The following ZFAT variants were observed in gnomAD, a reference collection of about 807,000 sequenced individuals.
The protein encoded by ZFAT is zinc finger protein ZFAT.
In ZFAT, 64 loss-of-function variants were observed where a neutral mutation model predicts 117.7. The observed-to-expected ratio is 0.54, with a 90% confidence interval of 0.44 to 0.67. The LOEUF (loss-of-function observed/expected upper bound fraction) is 0.67. ZFAT is among the 30% of genes least tolerant of loss of function. The pLI is 0.00. For synonymous variants in ZFAT, 679 were observed against 615.0 expected (o/e 1.10, Z -1.54); for missense variants, 1,433 against 1,584.5 (o/e 0.90, Z 1.62).
chr8:134,590,504 A>C, intron 7 of ZFAT, 149 bp from the exon 8 acceptor site: 2 of 613,622 alleles, frequency 3.3e-6, no homozygotes, highest in Admixed American at 2.6e-5. Flanking sequence ...CCATCACATC[A>C]CCATCATCAA....
At chr8:134,508,073 G>A (rs1323173319) in intron 15 of ZFAT, among the ~76,000 whole-genome samples, 3 of 151,848 alleles carry the variant, frequency 2.0e-5, no homozygotes, top group Admixed American at 6.6e-5. Flanking sequence ...GCATCCCCCT[G>A]CCTACTCTCC....
At position 134,712,915 on chromosome 8, in the gene ZFAT, C is replaced by T; in HGVS notation, c.-52G>A. ...AAAGCCTCGGGCTCTTCCGGGCCCC[C>T]TCCCGTGCCGACCGAGGGGGCGGGG... On this transcript the variant is annotated 5_prime_UTR_variant, in exon 1 of 16. Transcript: ENST00000377838. 6.8e-7 allele frequency: 1 copy of T among 1,471,130 alleles called. No individual in the cohort carries two copies. The highest frequency in any genetic ancestry group is 9.0e-7 in the Non-Finnish European group (1 of 1,114,240). 91.1% of individuals were successfully genotyped at this position (1,471,130 alleles called of 1,614,324 possible). A position where few individuals can be genotyped will look rare whatever the true frequency, so the allele number is the denominator to read the frequency against.
the ZFAT span, among the ~76,000 whole-genome samples, chr8:134,768,104 T>C: frequency 6.6e-6 from 1 of 152,354 alleles, no homozygotes; most frequent in South Asian, 2.1e-4. Flanking sequence ...CTGTTTTTTG[T>C]TTTTACAAAT....
At chr8:134,533,276 A>G (rs1480836160) in intron 11 of ZFAT, among the ~76,000 whole-genome samples, 3 of 152,068 alleles carry the variant, frequency 2.0e-5, no homozygotes, top group Admixed American at 6.5e-5. Flanking sequence ...AGAAGAAGAC[A>G]AAAAAAGCAA....
intron 5 of ZFAT, 106 bp downstream of exon 5, chr8:134,608,623 T>G: frequency 7.1e-7 from 1 of 1,402,600 alleles, no homozygotes; most frequent in Non-Finnish European, 9.7e-7. Context: ...ATAAACAAGT[T>G]TATAAGCAGA....
At chr8:134,606,690 T>C (rs1457862209) in intron 5 of ZFAT, among the ~76,000 whole-genome samples, 1 of 144,140 alleles carries the variant, frequency 6.9e-6, no homozygotes, top group Non-Finnish European at 1.5e-5. Flanking sequence ...ATTGTGCCAC[T>C]GCACTCCAGC....
At chr8:134,761,245 T>C in the ZFAT span, among the ~76,000 whole-genome samples, 1 of 152,096 alleles carries the variant, frequency 6.6e-6, no homozygotes, top group Non-Finnish European at 1.5e-5. Flanking sequence ...CAACTATGAA[T>C]GATACAGGCA....
chr8:134,636,710 C>T (rs1293423657), intron 3 of ZFAT, among the ~76,000 whole-genome samples: 1 of 152,192 alleles, frequency 6.6e-6, no homozygotes, highest in Non-Finnish European at 1.5e-5. Context: ...ACAGAACCCA[C>T]AGCAGAGGCC....
At chr8:134,500,933 C>T (rs1020898561) in intron 15 of ZFAT, among the ~76,000 whole-genome samples, 10 of 152,296 alleles carry the variant, frequency 6.6e-5, no homozygotes, top group Admixed American at 2.6e-4. Flanking sequence ...GAGTTTCATA[C>T]AATTAAAGTT....
chr8:134,488,789 C>T (rs1325770343), intron 15 of ZFAT, among the ~76,000 whole-genome samples: 1 of 152,020 alleles, frequency 6.6e-6, no homozygotes, highest in African/African-American at 2.4e-5. Context: ...GGATGCTTTC[C>T]TGAAGATGAT....
At chr8:134,653,165 T>TC (rs1831356416) in intron 2 of ZFAT, among the ~76,000 whole-genome samples, 1 of 146,130 alleles carries the variant, frequency 6.8e-6, no homozygotes, top group African/African-American at 2.6e-5. Context: ...GTTTTTTTTT[T>TC]CATTATTATT....
intron 15 of ZFAT, among the ~76,000 whole-genome samples, chr8:134,507,402 C>T (rs1819495130): frequency 6.6e-6 from 1 of 152,156 alleles, no homozygotes; most frequent in Non-Finnish European, 1.5e-5. Flanking sequence ...TTATCAACAG[C>T]CACCGTGAGC....
chr8:134,548,959 C>T (rs1032919052), intron 11 of ZFAT, among the ~76,000 whole-genome samples: 30 of 152,192 alleles, frequency 2.0e-4, no homozygotes, highest in African/African-American at 6.3e-4. Context: ...GCTGACTGCC[C>T]GACTCACGTC....
At chr8:134,662,058 T>C (rs757906498) in intron 1 of ZFAT, among the ~76,000 whole-genome samples, 7 of 152,176 alleles carry the variant, frequency 4.6e-5, no homozygotes, top group Admixed American at 3.9e-4. Context: ...TTCTGACAGT[T>C]CTGGAGGCTG....
chr8:134,747,876 T>C, the ZFAT span, among the ~76,000 whole-genome samples: 2 of 152,246 alleles, frequency 1.3e-5, no homozygotes. Context: ...GTCTCTGGGC[T>C]GGTGGATAGC....
chr8:134,676,426 G>A (rs1242665441), intron 1 of ZFAT, among the ~76,000 whole-genome samples: 1 of 152,124 alleles, frequency 6.6e-6, no homozygotes, highest in Non-Finnish European at 1.5e-5. Flanking sequence ...CCCGATACAG[G>A]TGCACCCAGA....
the ZFAT span, among the ~76,000 whole-genome samples, chr8:134,742,442 T>C: frequency 6.6e-6 from 1 of 152,168 alleles, no homozygotes; most frequent in Non-Finnish European, 1.5e-5. Context: ...GAGGAAACTT[T>C]GGGCTGTACA....
At chr8:134,701,541 A>G (rs1359360638) in intron 1 of ZFAT, among the ~76,000 whole-genome samples, 2 of 152,246 alleles carry the variant, frequency 1.3e-5, no homozygotes, top group East Asian at 3.8e-4. Context: ...CGAAGTTGCT[A>G]AATCACATGG....
the ZFAT span, among the ~76,000 whole-genome samples, chr8:134,776,033 C>A: frequency 1.3e-5 from 2 of 152,186 alleles, no homozygotes; most frequent in Admixed American, 1.3e-4. Flanking sequence ...CAAAGCTATA[C>A]CACTTGAATA....
Sources: allele counts gnomAD v4.1 joint callset (sites outside exome capture counted in the v4.1 genomes callset), GRCh38; gene constraint gnomAD v4.1.1; transcripts MANE v1.5; gene names NCBI Gene and HGNC (gene_info 2026-07-23, HGNC 2026-07-21).